Variants in SLC9A3 observed in about 807,000 individuals in gnomAD.
The protein encoded by SLC9A3 is solute carrier family 9 member A3, also known as sodium/hydrogen exchanger 3.
A neutral mutation model predicts 86.8 loss-of-function variants in SLC9A3; 37 were observed. The ratio of observed to expected loss-of-function variants is 0.43; its 90% CI spans 0.33 to 0.56. The LOEUF (loss-of-function observed/expected upper bound fraction) is 0.56, where lower values mean the gene tolerates loss of function less well. SLC9A3 is among the 20% of genes least tolerant of loss of function. The pLI is 0.06. For missense variants in SLC9A3, 1,011 were observed against 1,171.9 expected (o/e 0.86, Z 2.00); for synonymous variants, 581 against 528.3 (o/e 1.10, Z -1.37).
intron 1 of SLC9A3, 117 bp downstream of exon 1, chr5:523,995 C>T: frequency 1.7e-6 from 1 of 572,788 alleles, no homozygotes; most frequent in Non-Finnish European, 2.7e-6. Context: ...GCCGGACTCT[C>T]CCGGGCGGCC....
chr5:482,094 G>A lies in SLC9A3; in HGVS notation c.1420C>T (p.Arg474Trp), dbSNP rs1294353342. 2 of 1,599,624 alleles carry A rather than the reference G, an allele frequency of 1.3e-6. No individual in the cohort carries two copies. The highest frequency in any genetic ancestry group is 8.5e-7 in the Non-Finnish European group (1 of 1,173,196). ...CGCCCGTGCAGCTTCTCGTTGAGCC[G>A]AGGTTCCCGGTGCTCGCTCCTCTTC... ...KVKRSEHREP[R>W]LNEKLHGRAF... The change falls in exon 8 of 17, where the codon CGG becomes TGG. Residue 474 changes from arginine to tryptophan, a missense_variant. By Grantham distance (101) the Arg-to-Trp change is moderately radical. This residue lies in a region of SLC9A3 where 565 missense variants were observed against 790.0 expected (regional missense o/e 0.72). Coordinates refer to ENST00000264938, the MANE Select transcript of SLC9A3 (RefSeq NM_004174.4).
chr5:470,829 TTATAGTC>T lies in SLC9A3; in HGVS notation c.*2543_*2549del, dbSNP rs1171991221. 6.6e-6 allele frequency: 1 copy of T among 152,380 alleles called. No individual in the cohort carries two copies. Among genetic ancestry groups the T allele is most frequent in the Non-Finnish European group, 1.5e-5 (1 of 68,032 alleles). 9.4% of individuals were successfully genotyped at this position (152,380 alleles called of 1,614,324 possible). ...AGAAATAGTGATTTCCTCAATTTGT[TTATAGTC>T]TATCACAAAGTAGGCCAAAGTTCAG... On this transcript the variant is annotated 3_prime_UTR_variant, in exon 17 of 17. Coordinates refer to ENST00000264938, the MANE Select transcript of SLC9A3 (RefSeq NM_004174.4).
At chr5:499,795 G>A (rs146392478) in intron 1 of SLC9A3, among the ~76,000 whole-genome samples, 6 of 152,314 alleles carry the variant, frequency 3.9e-5, no homozygotes, top group Admixed American at 2.0e-4. Context: ...TTGCATCTGC[G>A]CATAACGTCT....
intron 1 of SLC9A3, among the ~76,000 whole-genome samples, chr5:501,774 A>G (rs1740288921): frequency 6.6e-6 from 1 of 152,228 alleles, no homozygotes; most frequent in Non-Finnish European, 1.5e-5. Context: ...CGTCAAGCCC[A>G]GGGCGGAGGT....
In SLC9A3 at chr5:473,160, G is replaced by GCAGGCCCCGCCCCCGGCA; in HGVS notation, c.*218_*219insTGCCGGGGGCGGGGCCTG. The GCAGGCCCCGCCCCCGGCA allele has an allele frequency of 7.4e-6, 3 of 404,094 alleles. No homozygotes were observed. Among genetic ancestry groups the GCAGGCCCCGCCCCCGGCA allele is most frequent in the East Asian group, 4.7e-5 (1 of 21,278 alleles). 25.0% of individuals were successfully genotyped at this position (404,094 alleles called of 1,614,324 possible). On this transcript the variant is annotated 3_prime_UTR_variant, in exon 17 of 17. Coordinates refer to ENST00000264938, the MANE Select transcript of SLC9A3 (RefSeq NM_004174.4). Reference sequence around the variant, plus strand: ...TCGGCGCTCCGGCCCCGCCCCCGGCGCAGGCCCCGCCCCCGGCTCGCCCTC... The same window carrying GCAGGCCCCGCCCCCGGCA: ...TCGGCGCTCCGGCCCCGCCCCCGGCGCAGGCCCCGCCCCCGGCACAGGCCCCGCCCCCGGCTCGCCCTC...
At chr5:476,768 G>C in intron 11 of SLC9A3, 96 bp from the exon 12 acceptor site, 1 of 1,476,540 alleles carries the variant, frequency 6.8e-7, no homozygotes, top group Non-Finnish European at 9.2e-7. Context: ...GGCCCTGGCT[G>C]CCTCCTGCGT....
intron 5 of SLC9A3, among the ~76,000 whole-genome samples, chr5:483,860 T>A (rs1231824004): frequency 1.3e-5 from 2 of 152,256 alleles, no homozygotes; most frequent in African/African-American, 4.8e-5. Flanking sequence ...CCACACTGAA[T>A]TCCCACCCAG....
At chr5:519,707 G>C (rs1220649193) in intron 1 of SLC9A3, among the ~76,000 whole-genome samples, 4 of 152,242 alleles carry the variant, frequency 2.6e-5, no homozygotes, top group Non-Finnish European at 1.5e-5. Context: ...CAGGGAACCT[G>C]GCGCTCAGGG....
chr5:475,507 G>T, intron 15 of SLC9A3, 54 bp downstream of exon 15: 2 of 1,038,146 alleles, frequency 1.9e-6, no homozygotes, highest in Non-Finnish European at 2.9e-6. Context: ...GCTCCCTCCT[G>T]GGGCGGCAGG....
In SLC9A3 at chr5:471,744, CAAGT is replaced by C; in HGVS notation, c.*1631_*1634del. The C allele has an allele frequency of 2.2e-6, 1 of 455,058 alleles. No homozygotes were observed. The highest frequency in any genetic ancestry group is 4.4e-6 in the Non-Finnish European group (1 of 226,062). The allele number at this position is 455,058 out of a possible 1,614,324, so 28.2% of individuals were successfully genotyped here. On this transcript the variant is annotated 3_prime_UTR_variant, in exon 17 of 17. Coordinates refer to ENST00000264938, the MANE Select transcript of SLC9A3 (RefSeq NM_004174.4). ...AAAAGTCACTGCGCTTGATCTGATC[CAAGT>C]AACAGTGACTGCAGTTAGGGTCGAG...
intron 8 of SLC9A3, 48 bp from the exon 9 acceptor site, chr5:481,683 A>C: frequency 6.8e-7 from 1 of 1,477,846 alleles, no homozygotes; most frequent in Non-Finnish European, 9.5e-7. Flanking sequence ...CCAACCGGGG[A>C]ACATGAGGTG....
At chr5:517,570 T>A (rs1344686383) in intron 1 of SLC9A3, among the ~76,000 whole-genome samples, 4 of 142,584 alleles carry the variant, frequency 2.8e-5, no homozygotes, top group African/African-American at 1.1e-4. Flanking sequence ...ATCCATCCAT[T>A]CACCCATCCA....
chr5:520,430 G>A (rs2458820), intron 1 of SLC9A3, among the ~76,000 whole-genome samples: 133,299 of 152,166 alleles, frequency 0.88, 58,643 homozygotes, highest in Non-Finnish European at 0.89. Context: ...ACAGGATGGG[G>A]CCAGGAGGTC....
intron 5 of SLC9A3, among the ~76,000 whole-genome samples, chr5:483,843 C>A (rs142206311): frequency 1.3e-3 from 200 of 152,378 alleles, no homozygotes; most frequent in African/African-American, 4.6e-3. Flanking sequence ...TAAATAAATT[C>A]TTTGCCCCAC....
intron 5 of SLC9A3, 23 bp from the exon 6 acceptor site, chr5:483,505 G>C (rs1176215811): frequency 6.5e-7 from 1 of 1,533,792 alleles, no homozygotes; most frequent in Admixed American, 1.9e-5. Context: ...ACGCGCCTCA[G>C]GACACGGCCA....
In SLC9A3 at chr5:483,251, C is replaced by A; in HGVS notation, c.1153+11G>T. The A allele has an allele frequency of 6.5e-7, 1 of 1,536,132 alleles. No individual in the cohort carries two copies. The highest frequency in any genetic ancestry group is 8.8e-7 in the Non-Finnish European group (1 of 1,134,950). On this transcript the variant is annotated intron_variant, in intron 6 of 16. Transcript: ENST00000264938. ...CGGTGGTCCCACGGCCGCAACCCGG[C>A]CCCGCCTCACCGATGGCCCGGTACA...
intron 1 of SLC9A3, among the ~76,000 whole-genome samples, chr5:508,687 C>T (rs1345712531): frequency 3.9e-5 from 6 of 152,324 alleles, no homozygotes; most frequent in Admixed American, 3.9e-4. Context: ...CGCAGGGAGA[C>T]GCAGGCCTCA....
intron 7 of SLC9A3, 116 bp from the exon 8 acceptor site, chr5:482,273 C>T: frequency 2.5e-6 from 2 of 800,126 alleles, no homozygotes; most frequent in Non-Finnish European, 4.1e-6. Flanking sequence ...CCTCCCTGCT[C>T]TCCGGGCACC....
chr5:478,391 T>C (rs1738904875), intron 10 of SLC9A3: 1 of 152,336 alleles, frequency 6.6e-6, no homozygotes, highest in Admixed American at 6.5e-5. Context: ...CCCGGGCACG[T>C]GGGGTCTTCG....
Sources: gnomAD v4.1 joint callset for allele counts (sites outside exome capture counted in the v4.1 genomes callset) on GRCh38, gnomAD v4.1.1 for gene constraint, gnomAD v4.1.1 regional missense constraint, MANE v1.5 for transcripts, NCBI Gene and HGNC (gene_info 2026-07-23, HGNC 2026-07-21) for gene names.